The following RPS6KC1 variants were observed in gnomAD, a reference collection of about 807,000 sequenced individuals.
RPS6KC1 encodes ribosomal protein S6 kinase C1, also known as inactive ribosomal protein S6 kinase delta-1.
RPS6KC1 carries 54 observed loss-of-function variants against 103.8 expected under a neutral mutation model. The observed-to-expected ratio is 0.52, with a 90% CI of 0.42 to 0.65. RPS6KC1 has a LOEUF of 0.65. RPS6KC1 is among the 30% of genes least tolerant of loss of function. The pLI, the probability that RPS6KC1 is intolerant of heterozygous loss-of-function variation, is 0.00. For synonymous variants in RPS6KC1, 439 were observed against 438.7 expected (o/e 1.00, Z -0.01); for missense variants, 1,151 against 1,253.8 (o/e 0.92, Z 1.24).
In RPS6KC1 at chr1:213,263,194, G is replaced by A. The variant is rs796923335; in HGVS notation, c.3090+378G>A. 2.6e-5 allele frequency among the ~76,000 whole-genome samples: 4 copies of A among 152,220 alleles called. No individual in the cohort carries two copies. In the South Asian group the frequency reaches 8.3e-4, roughly 32 times the overall value. Reference sequence around the variant, plus strand: ...TTCAATTTTTAATTCTTACTTATAAGTTTACTCAGGTATTTATAAAGCTAC... The same window carrying A: ...TTCAATTTTTAATTCTTACTTATAAATTTACTCAGGTATTTATAAAGCTAC... On this transcript the variant is annotated intron_variant, in intron 14 of 14. Transcript: ENST00000366960.
chr1:213,625,749 G>T, the RPS6KC1 span, among the ~76,000 whole-genome samples: 1 of 152,194 alleles, frequency 6.6e-6, no homozygotes, highest in Non-Finnish European at 1.5e-5. Context: ...TCCCTACAAA[G>T]GATATGAACT....
chr1:213,305,413 TG>T, the RPS6KC1 span, among the ~76,000 whole-genome samples: 1 of 152,120 alleles, frequency 6.6e-6, no homozygotes, highest in Non-Finnish European at 1.5e-5. Flanking sequence ...TAGACCAAAT[TG>T]GGATTTAAGC....
At chr1:213,228,698 C>T (rs1008007160) in intron 8 of RPS6KC1, among the ~76,000 whole-genome samples, 1 of 152,070 alleles carries the variant, frequency 6.6e-6, no homozygotes, top group Admixed American at 6.6e-5. Context: ...AGCACTCTAG[C>T]TTGGGTAGCA....
intron 4 of RPS6KC1, among the ~76,000 whole-genome samples, chr1:213,108,081 T>C (rs1221199532): frequency 6.6e-6 from 1 of 152,184 alleles, no homozygotes; most frequent in Non-Finnish European, 1.5e-5. Flanking sequence ...CTTAGTGGTG[T>C]CATTTGAAGC....
At chr1:213,101,600 T>TC (rs2148750788) in intron 3 of RPS6KC1, among the ~76,000 whole-genome samples, 1 of 152,314 alleles carries the variant, frequency 6.6e-6, no homozygotes, top group African/African-American at 2.4e-5. Context: ...AAGATCTTTT[T>TC]AGGGTACTAT....
the RPS6KC1 span, among the ~76,000 whole-genome samples, chr1:213,308,480 G>T: frequency 4.6e-5 from 7 of 151,904 alleles, no homozygotes; most frequent in African/African-American, 1.7e-4. Flanking sequence ...TTTCTCCATT[G>T]AGACTCACTG....
intron 4 of RPS6KC1, among the ~76,000 whole-genome samples, chr1:213,108,244 G>T (rs1458718094): frequency 6.6e-6 from 1 of 152,118 alleles, no homozygotes; most frequent in Non-Finnish European, 1.5e-5. Context: ...ACAGGTCTGT[G>T]ATTCATTTTT....
At chr1:213,741,371 C>T in the RPS6KC1 span, among the ~76,000 whole-genome samples, 2 of 152,116 alleles carry the variant, frequency 1.3e-5, no homozygotes, top group African/African-American at 4.8e-5. Context: ...TGTAGCTTCT[C>T]TGGATCACTT....
the RPS6KC1 span, among the ~76,000 whole-genome samples, chr1:213,434,734 G>A: frequency 2.6e-5 from 4 of 151,812 alleles, no homozygotes; most frequent in Admixed American, 1.3e-4. Flanking sequence ...GGGATTACAG[G>A]CATGAGCCAC....
intron 4 of RPS6KC1, among the ~76,000 whole-genome samples, chr1:213,115,872 T>A (rs1181660846): frequency 7.9e-5 from 12 of 152,282 alleles, no homozygotes; most frequent in African/African-American, 2.6e-4. Flanking sequence ...TTTGAGTGAG[T>A]TTCTTAATCC....
chr1:213,671,630 A>C, the RPS6KC1 span, among the ~76,000 whole-genome samples: 3 of 152,228 alleles, frequency 2.0e-5, no homozygotes, highest in Non-Finnish European at 4.4e-5. Context: ...CTAAAAATAC[A>C]AAAGTTAGCT....
chr1:213,748,993 A>G, the RPS6KC1 span, among the ~76,000 whole-genome samples: 1 of 152,242 alleles, frequency 6.6e-6, no homozygotes. Flanking sequence ...CAGGCTGGAC[A>G]GCCTGTAGAA....
At chr1:213,308,947 A>G in the RPS6KC1 span, among the ~76,000 whole-genome samples, 3 of 152,226 alleles carry the variant, frequency 2.0e-5, no homozygotes, top group African/African-American at 7.2e-5. Flanking sequence ...TGTTCCAGTC[A>G]TGGGCAAAGC....
the RPS6KC1 span, among the ~76,000 whole-genome samples, chr1:213,618,889 T>C: frequency 1.3e-5 from 2 of 152,184 alleles, no homozygotes; most frequent in East Asian, 1.9e-4. Flanking sequence ...ATACAAAAAA[T>C]AAACCTCAAG....
the RPS6KC1 span, among the ~76,000 whole-genome samples, chr1:213,332,693 G>A: frequency 6.6e-6 from 1 of 152,172 alleles, no homozygotes; most frequent in Non-Finnish European, 1.5e-5. Context: ...CTTCTAGAGT[G>A]GAGGGGGTGT....
In RPS6KC1 at chr1:213,051,369, C is replaced by T. The variant is rs752375642; in HGVS notation, c.-36C>T. The T allele has an allele frequency of 7.2e-6, 11 of 1,533,014 alleles. 1 individual carries two copies. Among genetic ancestry groups the T allele is most frequent in the Middle Eastern group, 1.9e-4 (1 of 5,286 alleles). 95.0% of individuals were successfully genotyped at this position (1,533,014 alleles called of 1,614,324 possible). A position where few individuals can be genotyped will look rare whatever the true frequency, so the allele number is the denominator to read the frequency against. On this transcript the variant is annotated 5_prime_UTR_variant, in exon 1 of 15. Coordinates refer to ENST00000366960, the MANE Select transcript of RPS6KC1 (RefSeq NM_012424.6). ...CGGCGCCGGGTTTCCCTCATGATCCCGGGCGGGTGGCGGCGGCGGCAGAGG... is the reference window on the plus strand; with the variant it reads ...CGGCGCCGGGTTTCCCTCATGATCCTGGGCGGGTGGCGGCGGCGGCAGAGG...
the RPS6KC1 span, among the ~76,000 whole-genome samples, chr1:213,737,244 C>A: frequency 6.6e-6 from 1 of 152,200 alleles, no homozygotes; most frequent in Non-Finnish European, 1.5e-5. Flanking sequence ...CATTTCTTGG[C>A]CATCTGTCTC....
chr1:213,341,543 G>A, the RPS6KC1 span, among the ~76,000 whole-genome samples: 1 of 152,104 alleles, frequency 6.6e-6, no homozygotes, highest in African/African-American at 2.4e-5. Flanking sequence ...AGACACCTGG[G>A]GTTAAGCTCT....
the RPS6KC1 span, among the ~76,000 whole-genome samples, chr1:213,425,395 C>A: frequency 1.3e-5 from 2 of 152,098 alleles, no homozygotes; most frequent in Non-Finnish European, 2.9e-5. Context: ...GAAGACTTAG[C>A]ACTTTTCCTC....
Sources: gnomAD v4.1 joint callset for allele counts (sites outside exome capture counted in the v4.1 genomes callset) on GRCh38, gnomAD v4.1.1 for gene constraint, MANE v1.5 for transcripts, NCBI Gene and HGNC (gene_info 2026-07-23, HGNC 2026-07-21) for gene names.